Variants in RBFOX1 observed in about 807,000 individuals in gnomAD.
The protein encoded by RBFOX1 is RNA binding fox-1 homolog 1, also known as RNA binding protein fox-1 homolog 1.
Under a neutral mutation model 57.7 loss-of-function variants are expected in RBFOX1, and 8 were observed. That is an observed-to-expected ratio of 0.14 (90% confidence interval 0.08 to 0.25). The LOEUF (loss-of-function observed/expected upper bound fraction) is 0.25, where lower values mean the gene tolerates loss of function less well. Ranked by LOEUF, RBFOX1 falls within the 10% of genes least tolerant of loss-of-function variation. The pLI is 1.00. For synonymous variants in RBFOX1, 326 were observed against 222.4 expected, an observed-to-expected ratio of 1.47 and a Z score of -4.15; for missense variants, 611 against 548.5, an observed-to-expected ratio of 1.11 and a Z score of -1.14.
At chr16:6,976,386 T>C (rs565464312) in intron 3 of RBFOX1, among the ~76,000 whole-genome samples, 4 of 152,246 alleles carry the variant, frequency 2.6e-5, no homozygotes, top group African/African-American at 9.6e-5. Flanking sequence ...GAAGCAAATA[T>C]CATTTTCAGA....
chr16:6,424,225 C>T (rs554684627), intron 2 of RBFOX1, among the ~76,000 whole-genome samples: 11 of 152,198 alleles, frequency 7.2e-5, no homozygotes, highest in East Asian at 1.9e-4. Context: ...GGTGACAGAG[C>T]GAGACTTGTT....
chr16:6,326,275 A>G (rs1385448492), intron 2 of RBFOX1, among the ~76,000 whole-genome samples: 2 of 152,188 alleles, frequency 1.3e-5, no homozygotes, highest in Non-Finnish European at 2.9e-5. Context: ...CTCGCTAGGT[A>G]CTGAGGATAT....
At chr16:6,699,857 A>C (rs756658042) in intron 3 of RBFOX1, among the ~76,000 whole-genome samples, 7 of 152,182 alleles carry the variant, frequency 4.6e-5, no homozygotes, top group Non-Finnish European at 1.0e-4. Flanking sequence ...GGGTCTGGGC[A>C]CTAAGGATAG....
chr16:5,635,917 C>G (rs2048669282), intron 3 of RBFOX1, among the ~76,000 whole-genome samples: 1 of 152,174 alleles, frequency 6.6e-6, no homozygotes, highest in African/African-American at 2.4e-5. Context: ...GATATCAAAA[C>G]TATTTAACAT....
At chr16:5,289,342 C>A in intron 1 of RBFOX1, 1 of 407,530 alleles carries the variant, frequency 2.5e-6, no homozygotes, top group Non-Finnish European at 4.7e-6. Context: ...TGGCATCACC[C>A]CAGGAGGAGG....
chr16:5,621,409 A>G (rs2048198026), intron 3 of RBFOX1, among the ~76,000 whole-genome samples: 1 of 152,210 alleles, frequency 6.6e-6, no homozygotes, highest in African/African-American at 2.4e-5. Flanking sequence ...TAGGCCGTCA[A>G]AAGTGCTTTG....
At chr16:6,381,322 C>T (rs940579349) in intron 2 of RBFOX1, among the ~76,000 whole-genome samples, 4 of 152,156 alleles carry the variant, frequency 2.6e-5, no homozygotes, top group African/African-American at 9.7e-5. Flanking sequence ...CAACCCTCAC[C>T]TCCCTCCCAC....
At chr16:6,791,557 G>A (rs553523396) in intron 3 of RBFOX1, among the ~76,000 whole-genome samples, 8 of 152,194 alleles carry the variant, frequency 5.3e-5, no homozygotes, top group South Asian at 2.1e-4. Context: ...TCAGGAGTTC[G>A]AAACCAACCT....
intron 2 of RBFOX1, among the ~76,000 whole-genome samples, chr16:6,448,678 T>C (rs185934938): frequency 6.6e-6 from 1 of 152,286 alleles, no homozygotes; most frequent in East Asian, 1.9e-4. Context: ...ACCCATGCTG[T>C]CTACTCATGA....
At chr16:6,943,111 G>C (rs1318599957) in intron 3 of RBFOX1, among the ~76,000 whole-genome samples, 1 of 152,140 alleles carries the variant, frequency 6.6e-6, no homozygotes, top group East Asian at 1.9e-4. Flanking sequence ...GAGCCAATCT[G>C]GGTATTCATT....
chr16:7,197,955 T>TC (rs923552288), intron 4 of RBFOX1, among the ~76,000 whole-genome samples: 2 of 150,832 alleles, frequency 1.3e-5, no homozygotes, highest in East Asian at 1.9e-4. Flanking sequence ...TTCTCTTTTT[T>TC]CCCCCGTTCC....
At chr16:7,425,128 A>G (rs2098597811) in intron 4 of RBFOX1, among the ~76,000 whole-genome samples, 1 of 152,238 alleles carries the variant, frequency 6.6e-6, no homozygotes, top group African/African-American at 2.4e-5. Flanking sequence ...CTGTTGGGAA[A>G]TAATTTCTTT....
At position 6,272,911 on chromosome 16, in the gene RBFOX1, G is replaced by T. The variant is rs79486643; in HGVS notation, c.-126-44084G>T. ...AAATTTTACATTTTATACAAAAAAG[G>T]CTCAAAATGGATCATTAACTTTGAT... On this transcript the variant is annotated intron_variant, in intron 1 of 15. Transcript: ENST00000550418. Among the ~76,000 whole-genome samples, 71 of 152,182 alleles carry T rather than the reference G, an allele frequency of 4.7e-4. No individual in the cohort carries two copies. The East Asian group carries it at 0.014, about 29-fold the overall frequency.
chr16:6,184,499 G>A (rs1026211594), intron 1 of RBFOX1, among the ~76,000 whole-genome samples: 5 of 152,112 alleles, frequency 3.3e-5, no homozygotes, highest in African/African-American at 1.2e-4. Flanking sequence ...GTATGCTTAG[G>A]TAATGGTTTG....
intron 10 of RBFOX1, among the ~76,000 whole-genome samples, chr16:7,628,967 C>T (rs1271426859): frequency 6.6e-6 from 1 of 152,202 alleles, no homozygotes; most frequent in Non-Finnish European, 1.5e-5. Flanking sequence ...ACAGGTGAAT[C>T]ATACTGACAC....
chr16:5,344,021 C>G (rs912726145), intron 1 of RBFOX1, among the ~76,000 whole-genome samples: 2 of 152,162 alleles, frequency 1.3e-5, no homozygotes, highest in Non-Finnish European at 2.9e-5. Context: ...GCTTATGCCT[C>G]TTATGCTTCT....
intron 2 of RBFOX1, among the ~76,000 whole-genome samples, chr16:6,481,380 C>G (rs2095368854): frequency 6.6e-6 from 1 of 152,190 alleles, no homozygotes; most frequent in Admixed American, 6.5e-5. Context: ...GCAACATCTG[C>G]CAAGGTTGTC....
chr16:6,948,018 G>C (rs1464731739), intron 3 of RBFOX1, among the ~76,000 whole-genome samples: 1 of 152,116 alleles, frequency 6.6e-6, no homozygotes, highest in African/African-American at 2.4e-5. Flanking sequence ...ACCTAAAGCA[G>C]TCCAGCTGCC....
At chr16:5,717,260 T>G (rs2051738333) in intron 3 of RBFOX1, among the ~76,000 whole-genome samples, 1 of 152,214 alleles carries the variant, frequency 6.6e-6, no homozygotes, top group Non-Finnish European at 1.5e-5. Flanking sequence ...AGCCTCGTTG[T>G]TTCCTGTGAA....
Sources: allele counts gnomAD v4.1 joint callset (sites outside exome capture counted in the v4.1 genomes callset), GRCh38; gene constraint gnomAD v4.1.1; transcripts MANE v1.5; gene names NCBI Gene and HGNC (gene_info 2026-07-23, HGNC 2026-07-21).